The following B4GALT3 variants were observed in gnomAD, a reference collection of about 807,000 sequenced individuals.
B4GALT3 encodes N-acetyllactosamine synthase.
A neutral mutation model predicts 40.7 loss-of-function variants in B4GALT3; 29 were observed. The observed-to-expected ratio is 0.71, with a 90% CI of 0.53 to 0.97. The LOEUF is 0.97. B4GALT3 is among the 50% of genes least tolerant of loss of function. The pLI, the probability that B4GALT3 is intolerant of heterozygous loss-of-function variation, is 0.00. For missense variants in B4GALT3, 390 were observed against 522.3 expected (o/e 0.75, Z 2.47); for synonymous variants, 182 against 203.9 (o/e 0.89, Z 0.92).
chr1:161,175,685 C>T, intron 3 of B4GALT3, 123 bp downstream of exon 3: 2 of 1,417,560 alleles, frequency 1.4e-6, no homozygotes, highest in Non-Finnish European at 1.9e-6. Flanking sequence ...AGCCTACCTG[C>T]AGCCTCAGCC....
intron 4 of B4GALT3, 147 bp downstream of exon 4, chr1:161,174,846 A>G (rs1571504259): frequency 2.6e-6 from 2 of 774,614 alleles, no homozygotes; most frequent in East Asian, 5.3e-5. Context: ...CAAAGTTGGA[A>G]GAGCAGTGCC....
rs1558050505 is a variant in B4GALT3 at position 161,173,880 on chromosome 1, G to C, written c.659C>G (p.Ala220Gly). 6.2e-7 allele frequency: 1 copy of C among 1,614,010 alleles called. No individual in the cohort carries two copies. The highest frequency in any genetic ancestry group is 8.5e-7 in the Non-Finnish European group (1 of 1,179,926). ...DPRGPRHVAVAMNKFGYSLPY... is the reference protein window; with the variant it reads ...DPRGPRHVAVGMNKFGYSLPY... ...CTACCTGTATCCAAACTTGTTCATA[G>C]CAACGGCAACATGGCGGGGTCCCCG... Residue 220 changes from alanine (A) to glycine (G), a missense_variant, in exon 5 of 8, where the codon GCT (alanine) becomes GGT (glycine). By Grantham distance (60) the Ala-to-Gly change is moderately conservative. Around this residue, in one of 3 missense-constraint regions of B4GALT3, gnomAD observed 135 missense variants for 227.8 expected, o/e 0.59. Coordinates refer to ENST00000319769, the MANE Select transcript of B4GALT3 (RefSeq NM_003779.4).
intron 3 of B4GALT3, 65 bp from the exon 4 acceptor site, chr1:161,175,293 T>C (rs1663084107): frequency 7.0e-7 from 1 of 1,429,924 alleles, no homozygotes; most frequent in Non-Finnish European, 9.7e-7. Context: ...AAACTAGGGT[T>C]TGGGAATACC....
At chr1:161,177,177 G>C (rs1427009597) in intron 1 of B4GALT3, 3 of 1,106,062 alleles carry the variant, frequency 2.7e-6, no homozygotes, top group South Asian at 3.0e-5. Flanking sequence ...CACCTAGAGG[G>C]GCGTGGTCCG....
At position 161,171,706 on chromosome 1, in the gene B4GALT3, AC is replaced by A; in HGVS notation, c.*109del. Reference sequence around the variant, plus strand: ...AGAGGCCCCTACCCCCTAGCACGGCACCAGAGTTCAGTTCCCTCACATCCCT... The same window carrying A: ...AGAGGCCCCTACCCCCTAGCACGGCACAGAGTTCAGTTCCCTCACATCCCT... On this transcript the variant is annotated 3_prime_UTR_variant, in exon 8 of 8. Transcript: ENST00000319769. 6.8e-7 allele frequency: 1 copy of A among 1,460,820 alleles called. No homozygotes were observed. Among genetic ancestry groups the A allele is most frequent in the African/African-American group, 1.4e-5 (1 of 71,370 alleles). The allele number at this position is 1,460,820 out of a possible 1,614,324, so 90.5% of individuals were successfully genotyped here.
chr1:161,175,721 T>C, intron 3 of B4GALT3, 87 bp downstream of exon 3: 1 of 1,550,822 alleles, frequency 6.4e-7, no homozygotes, highest in Non-Finnish European at 8.7e-7. Context: ...AAGTTCCACT[T>C]CTGCCACTCC....
rs150162843 is a variant in B4GALT3 at position 161,171,996 on chromosome 1, A to G, written c.1002T>C (p.Leu334=). Residue 334 remains leucine, a synonymous_variant, in exon 8 of 8, where the codon CTT becomes CTC. Transcript: ENST00000319769. ...CAATGTCTGCTGTGATGTTGGTATA[A>G]AGAGGCCCCAGCTCTCGAGCCAGCA... The part of the protein sequence containing the change: ...YQLLARELGP[L]YTNITADIGT... 19 of 1,613,978 alleles carry G rather than the reference A, an allele frequency of 1.2e-5. 1 individual carries two copies. Among genetic ancestry groups the G allele is most frequent in the African/African-American group, 2.7e-5 (2 of 74,900 alleles).
chr1:161,176,072 G>A lies in B4GALT3; in HGVS notation c.-12C>T. 1 of 1,613,158 alleles carries A rather than the reference G, an allele frequency of 6.2e-7. No homozygotes were observed. Among genetic ancestry groups the A allele is most frequent in the Non-Finnish European group, 8.5e-7 (1 of 1,179,236 alleles). ...AGCCTCCGCAACATCCTGGGGGTGAGATCTAGGGAGGGAGAGGGGAATTCT... is the reference window on the plus strand; with the variant it reads ...AGCCTCCGCAACATCCTGGGGGTGAAATCTAGGGAGGGAGAGGGGAATTCT... On this transcript the variant is annotated splice_region_variant and 5_prime_UTR_variant, in exon 3 of 8. Coordinates refer to ENST00000319769, the MANE Select transcript of B4GALT3 (RefSeq NM_003779.4).
Position 161,171,975 on chromosome 1 carries a change from G to A in B4GALT3, c.1023C>T (p.Asp341=), listed in dbSNP as rs1316262728. The part of the protein sequence containing the change: ...LGPLYTNITA[D]IGTDPRGPRA... Reference sequence around the variant, plus strand: ...GAGGACCCCGAGGGTCAGTCCCAATGTCTGCTGTGATGTTGGTATAAAGAG... The same window carrying A: ...GAGGACCCCGAGGGTCAGTCCCAATATCTGCTGTGATGTTGGTATAAAGAG... Residue 341 remains aspartate (D), a synonymous_variant, in exon 8 of 8, where the codon GAC becomes GAT. Coordinates refer to ENST00000319769, the MANE Select transcript of B4GALT3 (RefSeq NM_003779.4). 5.6e-6 allele frequency: 9 copies of A among 1,614,062 alleles called. No individual in the cohort carries two copies. The highest frequency in any genetic ancestry group is 5.3e-5 in the African/African-American group (4 of 74,910).
chr1:161,175,906 C>T lies in B4GALT3; in HGVS notation c.155G>A (p.Arg52His), dbSNP rs750762054. Residue 52 changes from arginine (R) to histidine (H), a missense_variant, in exon 3 of 8, where the codon CGT (arginine) becomes CAT (histidine). Coordinates refer to ENST00000319769, the MANE Select transcript of B4GALT3 (RefSeq NM_003779.4). ...QGPTFDYSHP[R>H]DVYSNLSHLP... Reference sequence around the variant, plus strand: ...GTGACTGAGGTTACTGTAGACATCACGAGGGTGAGAATAGTCAAATGTCGG... The same window carrying T: ...GTGACTGAGGTTACTGTAGACATCATGAGGGTGAGAATAGTCAAATGTCGG... 14 of 1,614,018 alleles carry T rather than the reference C, an allele frequency of 8.7e-6. No individual in the cohort carries two copies. The highest frequency in any genetic ancestry group is 4.4e-5 in the South Asian group (4 of 91,086).
intron 3 of B4GALT3, 63 bp from the exon 4 acceptor site, chr1:161,175,291 G>A: frequency 1.4e-6 from 2 of 1,446,364 alleles, no homozygotes; most frequent in East Asian, 2.3e-5. Flanking sequence ...TCAAACTAGG[G>A]TTTGGGAATA....
At position 161,175,222 on chromosome 1, in the gene B4GALT3, G is replaced by A. The variant is rs747202115; in HGVS notation, c.260C>T (p.Pro87Leu). The part of the protein sequence containing the change: ...CPERSPLLVG[P>L]VSVSFSPVPS... Reference sequence around the variant, plus strand: ...CACTGGGCTAAAGGACACCGACACAGGACCCACTGTTGGGAAGGAATGGCA... The same window carrying A: ...CACTGGGCTAAAGGACACCGACACAAGACCCACTGTTGGGAAGGAATGGCA... Residue 87 changes from proline (P) to leucine (L), a missense_variant, in exon 4 of 8, where the codon CCT becomes CTT. By Grantham distance (98) the Pro-to-Leu change is moderately conservative (BLOSUM62 -3). Around this residue, in one of 3 missense-constraint regions of B4GALT3, gnomAD observed 183 missense variants for 223.2 expected, o/e 0.82. Transcript: ENST00000319769. The A allele has an allele frequency of 6.2e-7, 1 of 1,612,262 alleles. No homozygotes were observed. The highest frequency in any genetic ancestry group is 1.1e-5 in the South Asian group (1 of 90,864).
chr1:161,177,711 C>T (rs938318297), upstream of B4GALT3: 1 of 152,784 alleles, frequency 6.5e-6, no homozygotes, highest in Non-Finnish European at 1.5e-5. Flanking sequence ...GATTTCATTT[C>T]CTGCCCCTCA....
Position 161,171,693 on chromosome 1 carries a change from C to G in B4GALT3, c.*123G>C. ...CCAGCAGTGAGGGAGAGGCCCCTAC[C>G]CCCTAGCACGGCACCAGAGTTCAGT... On this transcript the variant is annotated 3_prime_UTR_variant, in exon 8 of 8. Transcript: ENST00000319769. The G allele has an allele frequency of 7.2e-7, 1 of 1,379,538 alleles. No individual in the cohort carries two copies. The allele number at this position is 1,379,538 out of a possible 1,614,324, so 85.5% of individuals were successfully genotyped here. A position where few individuals can be genotyped will look rare whatever the true frequency, so the allele number is the denominator to read the frequency against.
Position 161,171,918 on chromosome 1 carries a change from A to G in B4GALT3, c.1080T>C (p.Gly360=). ...TCTCTTGACGGAAGGCTTGGGAGGA[A>G]CCAGGTGGGTAACGTGGCCCAGAAG... The part of the protein sequence containing the change: ...RAPSGPRYPP[G]SSQAFRQEML... The change falls in exon 8 of 8, where the codon GGT becomes GGC. Residue 360 remains glycine, a synonymous_variant. Coordinates refer to ENST00000319769, the MANE Select transcript of B4GALT3 (RefSeq NM_003779.4). 6.2e-7 allele frequency: 1 copy of G among 1,614,114 alleles called. No individual in the cohort carries two copies. Among genetic ancestry groups the G allele is most frequent in the Non-Finnish European group, 8.5e-7 (1 of 1,179,990 alleles).
Position 161,175,186 on chromosome 1 carries a change from G to A in B4GALT3, c.296C>T (p.Ala99Val). The change falls in exon 4 of 8, where the codon GCA becomes GTA. Residue 99 changes from alanine to valine, a missense_variant. By Grantham distance (64) the Ala-to-Val change is moderately conservative (BLOSUM62 0). Coordinates refer to ENST00000319769, the MANE Select transcript of B4GALT3 (RefSeq NM_003779.4). Reference protein sequence around the residue: ...SVSFSPVPSLAEIVERNPRVE... With the variant: ...SVSFSPVPSLVEIVERNPRVE... Reference sequence around the variant, plus strand: ...CCGGGGATTCCGCTCCACAATCTCTGCCAGTGATGGCACTGGGCTAAAGGA... The same window carrying A: ...CCGGGGATTCCGCTCCACAATCTCTACCAGTGATGGCACTGGGCTAAAGGA... 1 of 1,613,698 alleles carries A rather than the reference G, an allele frequency of 6.2e-7. No homozygotes were observed. The highest frequency in any genetic ancestry group is 1.1e-5 in the South Asian group (1 of 91,050).
At chr1:161,174,490 C>CT (rs1291553466) in intron 4 of B4GALT3, among the ~76,000 whole-genome samples, 5 of 151,866 alleles carry the variant, frequency 3.3e-5, no homozygotes, top group African/African-American at 7.3e-5. Flanking sequence ...AAAAGAAAGA[C>CT]TATCTTTTTC....
At chr1:161,174,762 A>G in intron 4 of B4GALT3, 1 of 536,234 alleles carries the variant, frequency 1.9e-6, no homozygotes, top group South Asian at 2.6e-5. Flanking sequence ...AAGCCATTCA[A>G]TAAAGAAAAA....
In B4GALT3 at chr1:161,171,392, T is replaced by C. The variant is rs1014854641; in HGVS notation, c.*424A>G. 8.6e-6 allele frequency: 7 copies of C among 811,976 alleles called. No homozygotes were observed. Among genetic ancestry groups the C allele is most frequent in the East Asian group, 5.4e-5 (2 of 36,908 alleles). The allele number at this position is 811,976 out of a possible 1,614,324, so 50.3% of individuals were successfully genotyped here. A position where few individuals can be genotyped will look rare whatever the true frequency, so the allele number is the denominator to read the frequency against. On this transcript the variant is annotated 3_prime_UTR_variant, in exon 8 of 8. Coordinates refer to ENST00000319769, the MANE Select transcript of B4GALT3 (RefSeq NM_003779.4). ...ACCAGAAGAGGGAGCTATTCCAGCA[T>C]AGGCAGAAAATGCCCAGGGAGGGGC...
Sources: gnomAD v4.1 joint callset for allele counts (sites outside exome capture counted in the v4.1 genomes callset) on GRCh38, gnomAD v4.1.1 for gene constraint, gnomAD v4.1.1 regional missense constraint, MANE v1.5 for transcripts, NCBI Gene and HGNC (gene_info 2026-07-23, HGNC 2026-07-21) for gene names.